NT5C2: variants seen among roughly 807,000 people sequenced by gnomAD.
NT5C2 encodes 5'-nucleotidase, cytosolic II, also known as cytosolic purine 5'-nucleotidase.
In NT5C2, 58 loss-of-function variants were observed where a neutral mutation model predicts 76.1. The observed-to-expected ratio is 0.76, with a 90% CI of 0.62 to 0.95. The LOEUF is 0.95. Ranked by LOEUF, NT5C2 falls within the 40% of genes least tolerant of loss-of-function variation. NT5C2 has a pLI of 0.00. For synonymous variants in NT5C2, 229 were observed against 237.4 expected (o/e 0.96, Z 0.32); for missense variants, 478 against 690.3 (o/e 0.69, Z 3.45).
chr10:103,144,028 C>T (rs934328549), intron 3 of NT5C2, among the ~76,000 whole-genome samples: 1 of 152,180 alleles, frequency 6.6e-6, no homozygotes, highest in East Asian at 1.9e-4. Flanking sequence ...CATCAAATAT[C>T]ACCCTGTTAT....
intron 3 of NT5C2, among the ~76,000 whole-genome samples, chr10:103,156,582 C>T (rs1048775550): frequency 1.2e-4 from 18 of 149,566 alleles, no homozygotes; most frequent in Non-Finnish European, 1.8e-4. Flanking sequence ...GTGGCGAAAC[C>T]CCATCTCTAC....
At chr10:103,092,865 A>T (rs571057141) in intron 15 of NT5C2, among the ~76,000 whole-genome samples, 2 of 151,934 alleles carry the variant, frequency 1.3e-5, no homozygotes, top group South Asian at 4.2e-4. Context: ...TTCACAACTT[A>T]GTGTTACTGT....
chr10:103,132,495 G>A (rs537656014), intron 4 of NT5C2, among the ~76,000 whole-genome samples: 2 of 152,186 alleles, frequency 1.3e-5, no homozygotes, highest in East Asian at 1.9e-4. Flanking sequence ...TAGGAGAGGG[G>A]AAAGGAGAAC....
chr10:103,126,300 T>A (rs1263034631), intron 4 of NT5C2, among the ~76,000 whole-genome samples: 1 of 152,110 alleles, frequency 6.6e-6, no homozygotes, highest in African/African-American at 2.4e-5. Flanking sequence ...AAAGAGGAAT[T>A]GTAAATAGGC....
chr10:103,163,866 A>C (rs564699440), intron 3 of NT5C2, among the ~76,000 whole-genome samples: 45 of 116,788 alleles, frequency 3.9e-4, no homozygotes, highest in East Asian at 1.7e-3. Context: ...AATACAAAAA[A>C]AAAACAAAAA....
At chr10:103,139,150 T>C (rs960737199) in intron 4 of NT5C2, among the ~76,000 whole-genome samples, 1 of 152,228 alleles carries the variant, frequency 6.6e-6, no homozygotes, top group Non-Finnish European at 1.5e-5. Flanking sequence ...TTTTACCATA[T>C]TATTTCTTAC....
At chr10:103,131,690 G>C (rs908271549) in intron 4 of NT5C2, among the ~76,000 whole-genome samples, 3 of 152,214 alleles carry the variant, frequency 2.0e-5, no homozygotes, top group African/African-American at 7.2e-5. Flanking sequence ...GGAGGCCAAG[G>C]CAGGTAGATC....
At chr10:103,147,245 T>C (rs1428551677) in intron 3 of NT5C2, among the ~76,000 whole-genome samples, 2 of 152,226 alleles carry the variant, frequency 1.3e-5, no homozygotes, top group Non-Finnish European at 2.9e-5. Context: ...TTGCAAATTA[T>C]TGGATCTTAA....
In NT5C2 at chr10:103,089,045, C is replaced by T. The variant is rs2066064647; in HGVS notation, c.*627G>A. On this transcript the variant is annotated 3_prime_UTR_variant, in exon 19 of 19. Transcript: ENST00000404739. ...AAACAAACAAAAGGTAATAAGGATA[C>T]TGTCTTTTCCCTCAAAATAGAATCC... 4.6e-6 allele frequency: 1 copy of T among 217,322 alleles called. No homozygotes were observed. The highest frequency in any genetic ancestry group is 9.3e-6 in the Non-Finnish European group (1 of 107,988). 13.5% of individuals were successfully genotyped at this position (217,322 alleles called of 1,614,324 possible). A position where few individuals can be genotyped will look rare whatever the true frequency, so the allele number is the denominator to read the frequency against.
intron 4 of NT5C2, among the ~76,000 whole-genome samples, chr10:103,109,375 A>G (rs759843900): frequency 1.3e-5 from 2 of 152,194 alleles, no homozygotes; most frequent in Non-Finnish European, 2.9e-5. Flanking sequence ...TAAATTTGTT[A>G]TAAGTATAAC....
Position 103,183,262 on chromosome 10 carries a change from GATATATATATATATATATATATA to G in NT5C2, c.-168-1957_-168-1935del, listed in dbSNP as rs2091433759. 4.1e-5 allele frequency among the ~76,000 whole-genome samples: 3 copies of G among 73,344 alleles called. No homozygotes were observed. In the South Asian group the frequency reaches 1.5e-3, roughly 37 times the overall value. 48.1% of individuals were successfully genotyped at this position (73,344 alleles called of 152,430 possible). ...GAGATATATATATATGTGTGTGTGT[GATATATATATATATATATATATA>G]TATATATATCACACACTCCTTCCCT... On this transcript the variant is annotated intron_variant, in intron 1 of 18. Transcript: ENST00000404739.
chr10:103,091,557 A>AACTT lies in NT5C2; in HGVS notation c.1211+3_1211+6dup. ...GTTTTTGGGAAAGAAATTTTTAGAA[A>AACTT]ACTTACTTGTAGAGTTCAGCCAAGA... On this transcript the variant is annotated splice_region_variant and intron_variant, in intron 16 of 18. Coordinates refer to ENST00000404739, the MANE Select transcript of NT5C2 (RefSeq NM_001351169.2). 7 of 1,609,276 alleles carry AACTT rather than the reference A, an allele frequency of 4.3e-6. No individual in the cohort carries two copies. The highest frequency in any genetic ancestry group is 3.3e-5 in the Admixed American group (2 of 59,810).
chr10:103,177,736 C>T (rs2090277681), intron 2 of NT5C2, among the ~76,000 whole-genome samples: 1 of 152,076 alleles, frequency 6.6e-6, no homozygotes, highest in Non-Finnish European at 1.5e-5. Flanking sequence ...ATTATGTTGT[C>T]CAGGCTAAGT....
chr10:103,092,619 C>T (rs1177954207), intron 15 of NT5C2, among the ~76,000 whole-genome samples: 3 of 152,180 alleles, frequency 2.0e-5, no homozygotes, highest in African/African-American at 4.8e-5. Flanking sequence ...GAACTATATC[C>T]GTAACTCAGT....
chr10:103,093,373 T>G, intron 14 of NT5C2, 64 bp from the exon 15 acceptor site: 1 of 1,351,000 alleles, frequency 7.4e-7, no homozygotes, highest in Non-Finnish European at 1.0e-6. Context: ...TCCAATAGTA[T>G]TTAACCATTA....
chr10:103,121,449 A>G (rs2075645479), intron 4 of NT5C2, among the ~76,000 whole-genome samples: 1 of 152,222 alleles, frequency 6.6e-6, no homozygotes, highest in African/African-American at 2.4e-5. Context: ...GCTGACAGAA[A>G]CATGATGAGG....
intron 3 of NT5C2, among the ~76,000 whole-genome samples, chr10:103,172,268 A>G (rs2088323078): frequency 6.9e-6 from 1 of 144,738 alleles, no homozygotes; most frequent in African/African-American, 2.6e-5. Context: ...TTTTTTTGAG[A>G]CGGAGTCTCG....
intron 11 of NT5C2, 134 bp downstream of exon 11, chr10:103,097,157 C>A: frequency 1.6e-6 from 1 of 630,504 alleles, no homozygotes; most frequent in Non-Finnish European, 2.6e-6. Context: ...ATATTTTTGC[C>A]TTTTTACTCT....
At chr10:103,165,353 C>G (rs770555592) in intron 3 of NT5C2, among the ~76,000 whole-genome samples, 2 of 152,048 alleles carry the variant, frequency 1.3e-5, no homozygotes, top group Admixed American at 1.3e-4. Flanking sequence ...ATTAGCCTGG[C>G]GTGCTGGCAC....
Sources: gnomAD v4.1 joint callset for allele counts (sites outside exome capture counted in the v4.1 genomes callset) on GRCh38, gnomAD v4.1.1 for gene constraint, MANE v1.5 for transcripts, NCBI Gene and HGNC (gene_info 2026-07-23, HGNC 2026-07-21) for gene names.